The following RYK variants were observed in gnomAD, a reference collection of about 807,000 sequenced individuals.
The protein encoded by RYK is receptor like tyrosine kinase.
In RYK, 21 loss-of-function variants were observed where a neutral mutation model predicts 70.2. The observed-to-expected ratio is 0.30, with a 90% confidence interval of 0.21 to 0.43. The LOEUF (loss-of-function observed/expected upper bound fraction) is 0.43, where lower values mean the gene tolerates loss of function less well. Among genes scored for constraint, RYK ranks in the 20% least tolerant of loss-of-function variants. The probability of loss-of-function intolerance (pLI) is 1.00; values close to 1 mark genes in which losing one functional copy is unlikely to be tolerated. For synonymous variants in RYK, 267 were observed against 278.0 expected (o/e 0.96, Z 0.39); for missense variants, 604 against 753.3 (o/e 0.80, Z 2.32).
chr3:134,240,135 TTAA>T (rs2015287907), intron 1 of RYK, among the ~76,000 whole-genome samples: 1 of 152,234 alleles, frequency 6.6e-6, no homozygotes, highest in East Asian at 1.9e-4. Flanking sequence ...TCTTAATTTC[TTAA>T]TAATGTGCAA....
chr3:134,234,055 T>A (rs1647684590), intron 1 of RYK, among the ~76,000 whole-genome samples: 1 of 152,160 alleles, frequency 6.6e-6, no homozygotes, highest in South Asian at 2.1e-4. Flanking sequence ...GGATTATGGA[T>A]GATTTTTATT....
chr3:134,224,538 G>A (rs971766870), intron 1 of RYK, among the ~76,000 whole-genome samples: 3 of 152,208 alleles, frequency 2.0e-5, no homozygotes, highest in African/African-American at 7.2e-5. Flanking sequence ...GGCTGCGGGC[G>A]GGCCTGACTC....
chr3:134,228,622 A>G (rs1417223510), intron 1 of RYK, among the ~76,000 whole-genome samples: 1 of 152,224 alleles, frequency 6.6e-6, no homozygotes, highest in Non-Finnish European at 1.5e-5. Flanking sequence ...GACATCACTC[A>G]TATGTGGAAT....
chr3:134,217,278 G>A (rs1272502251), intron 2 of RYK, among the ~76,000 whole-genome samples: 2 of 152,186 alleles, frequency 1.3e-5, no homozygotes, highest in African/African-American at 2.4e-5. Context: ...AAGTATTAGA[G>A]CTTGAGAGCC....
intron 9 of RYK, among the ~76,000 whole-genome samples, chr3:134,188,444 G>A (rs1043364784): frequency 3.3e-5 from 5 of 152,138 alleles, no homozygotes; most frequent in African/African-American, 4.8e-5. Context: ...TTACAGGCAT[G>A]AGCCACTGCA....
intron 2 of RYK, among the ~76,000 whole-genome samples, chr3:134,213,856 T>C (rs1022923921): frequency 1.2e-4 from 18 of 152,198 alleles, no homozygotes; most frequent in African/African-American, 3.9e-4. Context: ...CAGGCTGGAG[T>C]GCAGTGGCGT....
chr3:134,218,554 C>T (rs537303149), intron 2 of RYK, among the ~76,000 whole-genome samples: 1 of 152,124 alleles, frequency 6.6e-6, no homozygotes, highest in Non-Finnish European at 1.5e-5. Flanking sequence ...AATGAAAAAA[C>T]GGCATTTGTG....
intron 1 of RYK, among the ~76,000 whole-genome samples, chr3:134,248,735 T>C (rs2015534596): frequency 6.6e-6 from 1 of 151,966 alleles, no homozygotes; most frequent in South Asian, 2.1e-4. Context: ...GAAGCAGAGA[T>C]TGCAGTGAGC....
At chr3:134,232,757 T>C (rs1313516252) in intron 1 of RYK, among the ~76,000 whole-genome samples, 5 of 152,378 alleles carry the variant, frequency 3.3e-5, no homozygotes, top group South Asian at 4.1e-4. Flanking sequence ...GTCTGTTATA[T>C]TGTGAGACAT....
At chr3:134,170,239 G>C (rs1023158866) in intron 13 of RYK, among the ~76,000 whole-genome samples, 1 of 152,178 alleles carries the variant, frequency 6.6e-6, no homozygotes, top group Non-Finnish European at 1.5e-5. Flanking sequence ...GCACTTTCTA[G>C]GAGTTAACCA....
chr3:134,167,678 A>C (rs1218443361), intron 13 of RYK, among the ~76,000 whole-genome samples: 1 of 152,234 alleles, frequency 6.6e-6, no homozygotes, highest in African/African-American at 2.4e-5. Context: ...ACAATAGAAG[A>C]AAACCTAGGC....
intron 13 of RYK, among the ~76,000 whole-genome samples, chr3:134,167,857 A>ATT (rs2012735742): frequency 6.6e-6 from 1 of 152,118 alleles, no homozygotes; most frequent in Non-Finnish European, 1.5e-5. Flanking sequence ...ATGGGAGAAA[A>ATT]TTTTTGTAAT....
chr3:134,190,071 T>C (rs1322691133), intron 8 of RYK, among the ~76,000 whole-genome samples: 5 of 152,226 alleles, frequency 3.3e-5, no homozygotes, highest in African/African-American at 7.2e-5. Context: ...TTGGTATCCA[T>C]GTATCATCAG....
At chr3:134,241,677 T>A (rs1267880405) in intron 1 of RYK, among the ~76,000 whole-genome samples, 2 of 152,204 alleles carry the variant, frequency 1.3e-5, no homozygotes, top group East Asian at 3.8e-4. Flanking sequence ...GCTTCTCAGA[T>A]GATTTTGGTT....
chr3:134,189,444 G>A (rs1376584056), intron 8 of RYK, among the ~76,000 whole-genome samples: 4 of 152,024 alleles, frequency 2.6e-5, no homozygotes, highest in Non-Finnish European at 4.4e-5. Context: ...TCGGTTCACT[G>A]GTAAAATGTG....
At chr3:134,220,423 G>C (rs1470879459) in intron 2 of RYK, among the ~76,000 whole-genome samples, 2 of 152,182 alleles carry the variant, frequency 1.3e-5, no homozygotes, top group Non-Finnish European at 2.9e-5. Context: ...CGTATGGGGA[G>C]GGGGAGGGAG....
Position 134,188,960 on chromosome 3 carries a change from C to T in RYK, c.1016-37G>A, listed in dbSNP as rs1205146502. 6 of 1,190,838 alleles carry T rather than the reference C, an allele frequency of 5.0e-6. No individual in the cohort carries two copies. The African/African-American group carries it at 6.2e-5, about 12-fold the overall frequency. 73.8% of individuals were successfully genotyped at this position (1,190,838 alleles called of 1,614,324 possible). A position where few individuals can be genotyped will look rare whatever the true frequency, so the allele number is the denominator to read the frequency against. Reference sequence around the variant, plus strand: ...AGTAATAATTAATGAGATCATACAACATTCATAAAATTATAGTACAAAACT... The same window carrying T: ...AGTAATAATTAATGAGATCATACAATATTCATAAAATTATAGTACAAAACT... On this transcript the variant is annotated intron_variant, in intron 8 of 14. Transcript: ENST00000623711.
intron 2 of RYK, among the ~76,000 whole-genome samples, chr3:134,213,782 G>A (rs369791325): frequency 9.2e-5 from 14 of 152,152 alleles, no homozygotes; most frequent in African/African-American, 3.1e-4. Flanking sequence ...ATGCCCTCAT[G>A]CAAATCCCCT....
chr3:134,237,872 T>C (rs2015232092), intron 1 of RYK, among the ~76,000 whole-genome samples: 1 of 152,234 alleles, frequency 6.6e-6, no homozygotes, highest in Non-Finnish European at 1.5e-5. Flanking sequence ...AAAATTCATT[T>C]AGTCAAGATA....
Sources: allele counts gnomAD v4.1 joint callset (sites outside exome capture counted in the v4.1 genomes callset), GRCh38; gene constraint gnomAD v4.1.1; transcripts MANE v1.5; gene names NCBI Gene and HGNC (gene_info 2026-07-23, HGNC 2026-07-21).